CFAP20DC: variants seen among roughly 807,000 people sequenced by gnomAD.
CFAP20DC encodes the protein CFAP20 domain containing.
A neutral mutation model predicts 101.7 loss-of-function variants in CFAP20DC; 84 were observed. The observed-to-expected ratio is 0.83, with a 90% confidence interval of 0.69 to 0.99. The LOEUF (loss-of-function observed/expected upper bound fraction) is 0.99, where lower values mean the gene tolerates loss of function less well. CFAP20DC is among the 50% of genes least tolerant of loss of function. CFAP20DC has a pLI of 0.00. For synonymous variants in CFAP20DC, 359 were observed against 351.2 expected (o/e 1.02, Z -0.25); for missense variants, 1,007 against 970.3 (o/e 1.04, Z -0.50).
At position 58,892,588 on chromosome 3, in the gene CFAP20DC, T is replaced by C. The variant is rs1337756665; in HGVS notation, c.551-7879A>G. ...GTATTCCTAGATATTTTATTCTTTT[T>C]GTGGCAATTGTGAATGGGAGTTCAT... On this transcript the variant is annotated intron_variant, in intron 6 of 16. Coordinates refer to ENST00000482387, the MANE Select transcript of CFAP20DC (RefSeq NM_001394063.1). The surrounding 1 kb of genome is among the most constrained non-coding windows in gnomAD (Gnocchi z 4.0). Among the ~76,000 whole-genome samples, 1 of 152,220 alleles carries C rather than the reference T, an allele frequency of 6.6e-6. No homozygotes were observed. The highest frequency in any genetic ancestry group is 2.4e-5 in the African/African-American group (1 of 41,464).
intron 12 of CFAP20DC, among the ~76,000 whole-genome samples, chr3:58,850,063 A>G (rs1243200636): frequency 6.6e-6 from 1 of 152,216 alleles, no homozygotes; most frequent in African/African-American, 2.4e-5. Context: ...ATAATTTTAC[A>G]AGTCCACAGT....
At chr3:58,745,741 G>A (rs555989247) in intron 16 of CFAP20DC, among the ~76,000 whole-genome samples, 6 of 152,230 alleles carry the variant, frequency 3.9e-5, no homozygotes, top group South Asian at 2.1e-4. Flanking sequence ...TACTGATGTC[G>A]CTTAAAGTGT....
intron 14 of CFAP20DC, among the ~76,000 whole-genome samples, chr3:58,828,737 G>C (rs974173635): frequency 6.6e-6 from 1 of 151,882 alleles, no homozygotes; most frequent in Non-Finnish European, 1.5e-5. Flanking sequence ...TTGTACCCCA[G>C]TCTTCAGTAT....
In CFAP20DC at chr3:59,015,932, C is replaced by A. The variant is rs1331325612; in HGVS notation, c.278+23625G>T. The stretch of plus-strand genomic sequence containing the variant: ...GGAACATATGGCCACATTTCCATAT[C>A]TAAGCAGTACCAATGGATGCCCAGG... On this transcript the variant is annotated intron_variant, in intron 4 of 16. Coordinates refer to ENST00000482387, the MANE Select transcript of CFAP20DC (RefSeq NM_001394063.1). The surrounding 1 kb of genome is among the most constrained non-coding windows in gnomAD (Gnocchi z 5.4). Among the ~76,000 whole-genome samples, 1 of 152,096 alleles carries A rather than the reference C, an allele frequency of 6.6e-6. No individual in the cohort carries two copies. The highest frequency in any genetic ancestry group is 6.6e-5 in the Admixed American group (1 of 15,266).
chr3:58,822,244 A>G (rs2075712995), intron 14 of CFAP20DC, among the ~76,000 whole-genome samples: 1 of 151,434 alleles, frequency 6.6e-6, no homozygotes, highest in Non-Finnish European at 1.5e-5. Flanking sequence ...ATGTATACAT[A>G]TGTAACTAAC....
intron 4 of CFAP20DC, among the ~76,000 whole-genome samples, chr3:58,951,910 T>TA (rs968940018): frequency 2.6e-5 from 4 of 151,460 alleles, no homozygotes; most frequent in South Asian, 2.1e-4. Flanking sequence ...AGTATAATAA[T>TA]AAAAAAAAGG....
intron 6 of CFAP20DC, among the ~76,000 whole-genome samples, chr3:58,911,605 A>C (rs115798524): frequency 6.2e-4 from 94 of 152,246 alleles, no homozygotes; most frequent in African/African-American, 2.2e-3. Flanking sequence ...AAAATCTATA[A>C]TATAGTAACA....
At chr3:58,730,820 G>A (rs957257964) in intron 3 of CFAP20DC, among the ~76,000 whole-genome samples, 5 of 152,058 alleles carry the variant, frequency 3.3e-5, no homozygotes, top group African/African-American at 4.8e-5. Context: ...ATCATACACG[G>A]TAAGCAGTGT....
intron 15 of CFAP20DC, among the ~76,000 whole-genome samples, chr3:58,778,438 C>G (rs2071533696): frequency 6.6e-6 from 1 of 152,222 alleles, no homozygotes; most frequent in South Asian, 2.1e-4. Flanking sequence ...TGGCACCCAC[C>G]TGCATGCCAC....
intron 12 of CFAP20DC, among the ~76,000 whole-genome samples, chr3:58,853,323 G>A: frequency 6.6e-6 from 1 of 152,126 alleles, no homozygotes. Context: ...AACAGGCTCT[G>A]AAATTGTGGC....
chr3:58,789,513 G>A (rs1405317643), intron 15 of CFAP20DC, among the ~76,000 whole-genome samples: 1 of 152,128 alleles, frequency 6.6e-6, no homozygotes, highest in Non-Finnish European at 1.5e-5. Flanking sequence ...ACAATGATAT[G>A]CTAAAAAGGC....
At chr3:58,930,300 C>T (rs1223085439) in intron 5 of CFAP20DC, among the ~76,000 whole-genome samples, 1 of 152,216 alleles carries the variant, frequency 6.6e-6, no homozygotes, top group African/African-American at 2.4e-5. Flanking sequence ...TTCCTCACTT[C>T]CAATTTCTAC....
At chr3:59,041,396 ATAT>A (rs754095822) in intron 3 of CFAP20DC, among the ~76,000 whole-genome samples, 13 of 152,148 alleles carry the variant, frequency 8.5e-5, no homozygotes, top group Non-Finnish European at 1.9e-4. Context: ...ATTAAAAGAA[ATAT>A]TATGATACCA....
chr3:58,850,067 C>T (rs1008937435), intron 12 of CFAP20DC, among the ~76,000 whole-genome samples: 7 of 152,044 alleles, frequency 4.6e-5, no homozygotes, highest in African/African-American at 1.7e-4. Context: ...TTTTACAAGT[C>T]CACAGTTCTG....
At chr3:59,018,616 A>G (rs1032652334) in intron 4 of CFAP20DC, 5 of 152,146 alleles carry the variant, frequency 3.3e-5, no homozygotes, top group African/African-American at 1.2e-4. Context: ...CATTCTACAA[A>G]ATAACTGACC....
chr3:58,831,601 C>T (rs936054574), intron 14 of CFAP20DC, 85 bp downstream of exon 14: 20 of 1,206,798 alleles, frequency 1.7e-5, no homozygotes, highest in Admixed American at 1.4e-4. Context: ...TTGGTCCTGG[C>T]TTTTCCAGGC....
downstream of CFAP20DC, among the ~76,000 whole-genome samples, chr3:58,716,751 G>C (rs1342467749): frequency 6.6e-6 from 1 of 152,146 alleles, no homozygotes; most frequent in Non-Finnish European, 1.5e-5. Flanking sequence ...TCAGGTGGCA[G>C]AGAAGCTTGC....
chr3:59,028,549 A>G (rs950686146), intron 4 of CFAP20DC, among the ~76,000 whole-genome samples: 26 of 152,350 alleles, frequency 1.7e-4, no homozygotes, highest in Middle Eastern at 3.4e-3. Context: ...ACTTATGCAT[A>G]TATGTATAGT....
intron 8 of CFAP20DC, 116 bp downstream of exon 8, chr3:58,870,055 GTC>G (rs1349626973): frequency 1.3e-6 from 1 of 798,082 alleles, no homozygotes; most frequent in African/African-American, 1.8e-5. Context: ...GGCATGTAGT[GTC>G]TGTCTGTCTG....
Sources: allele counts gnomAD v4.1 joint callset (sites outside exome capture counted in the v4.1 genomes callset), GRCh38; gene constraint gnomAD v4.1.1; non-coding constraint Gnocchi (gnomAD v3.1); transcripts MANE v1.5; gene names NCBI Gene and HGNC (gene_info 2026-07-23, HGNC 2026-07-21).